The following GATA5 variants were observed in gnomAD, a reference collection of about 807,000 sequenced individuals.
GATA5 encodes the protein transcription factor GATA-5.
A neutral mutation model predicts 35.0 loss-of-function variants in GATA5; 27 were observed. The observed-to-expected ratio is 0.77, with a 90% CI of 0.57 to 1.06. GATA5 has a LOEUF of 1.06. GATA5 is among the 50% of genes least tolerant of loss of function. The probability of loss-of-function intolerance (pLI) is 0.00; values close to 1 mark genes in which losing one functional copy is unlikely to be tolerated. For missense variants in GATA5, 612 were observed against 580.0 expected (o/e 1.06, Z -0.57); for synonymous variants, 306 against 267.8 (o/e 1.14, Z -1.39).
At chr20:62,473,780 C>T (rs1989782480) in intron 2 of GATA5, among the ~76,000 whole-genome samples, 1 of 152,244 alleles carries the variant, frequency 6.6e-6, no homozygotes, top group Non-Finnish European at 1.5e-5. Flanking sequence ...TTTTAATTCA[C>T]ATACGATAAA....
In GATA5 at chr20:62,473,392, C is replaced by A; in HGVS notation, c.699+11G>T. The A allele has an allele frequency of 6.3e-7, 1 of 1,597,716 alleles. No homozygotes were observed. Among genetic ancestry groups the A allele is most frequent in the South Asian group, 1.1e-5 (1 of 88,636 alleles). ...TGCGCCCAGGCGCCCCTCTGCCCAG[C>A]CCGAACTCACCAGGCGCTTCTGAGG... On this transcript the variant is annotated intron_variant, in intron 3 of 6. Coordinates refer to ENST00000252997, the MANE Select transcript of GATA5 (RefSeq NM_080473.5).
chr20:62,475,397 A>T lies in GATA5; in HGVS notation c.125T>A (p.Met42Lys), dbSNP rs1555897054. The T allele has an allele frequency of 7.4e-7, 1 of 1,356,212 alleles. No homozygotes were observed. Among genetic ancestry groups the T allele is most frequent in the African/African-American group, 1.5e-5 (1 of 65,908 alleles). 84.0% of individuals were successfully genotyped at this position (1,356,212 alleles called of 1,614,324 possible). A position where few individuals can be genotyped will look rare whatever the true frequency, so the allele number is the denominator to read the frequency against. Residue 42 changes from methionine (M) to lysine (K), a missense_variant, in exon 2 of 7, where the codon ATG becomes AAG. Transcript: ENST00000252997. ...CTCACACCCGGACAGGTAGGACAGC[A>T]TCGAGGGGACGCGCGCCGGCGGCAC... ...MFVPPARVPS[M>K]LSYLSGCEPS...
At chr20:62,471,143 G>T (rs1170787223) in intron 3 of GATA5, among the ~76,000 whole-genome samples, 1 of 152,160 alleles carries the variant, frequency 6.6e-6, no homozygotes, top group Non-Finnish European at 1.5e-5. Context: ...CTGGACACAG[G>T]TATTGCCCGG....
At chr20:62,472,630 A>G (rs1429391647) in intron 3 of GATA5, among the ~76,000 whole-genome samples, 1 of 152,090 alleles carries the variant, frequency 6.6e-6, no homozygotes, top group Non-Finnish European at 1.5e-5. Flanking sequence ...CGACATCAAC[A>G]CCCCAAATCC....
Position 62,470,001 on chromosome 20 carries a change from C to A in GATA5, c.699+3402G>T, listed in dbSNP as rs1601517237. ...CCTCACTGCCCAACAAGCAGCCCAG[C>A]CTGGCCACACTCAGCACCCTGCCCC... On this transcript the variant is annotated intron_variant, in intron 3 of 6. Coordinates refer to ENST00000252997, the MANE Select transcript of GATA5 (RefSeq NM_080473.5). This position sits in a 1 kb window ranked among gnomAD's most constrained non-coding sequence, Gnocchi z 4.6. Among the ~76,000 whole-genome samples, 1 of 152,206 alleles carries A rather than the reference C, an allele frequency of 6.6e-6. No homozygotes were observed. The highest frequency in any genetic ancestry group is 1.5e-5 in the Non-Finnish European group (1 of 68,034).
Position 62,466,760 on chromosome 20 carries a change from C to T in GATA5, c.700-209G>A, listed in dbSNP as rs4073470. On this transcript the variant is annotated intron_variant, in intron 3 of 6. Transcript: ENST00000252997. ...TTTACCTTCCTGGGCCTCAGTTTCC[C>T]CCCAAGTAAAAAGGGGGTGATAACA... Among the ~76,000 whole-genome samples, 35,378 of 152,186 alleles carry T rather than the reference C, an allele frequency of 0.23. 4,260 individuals are homozygous for T. The highest frequency in any genetic ancestry group is 0.33 in the East Asian group (1,684 of 5,166).
intron 4 of GATA5, 140 bp downstream of exon 4, chr20:62,466,286 G>T: frequency 9.9e-7 from 1 of 1,010,510 alleles, no homozygotes; most frequent in Non-Finnish European, 1.4e-6. Context: ...TCGGCCGGCC[G>T]GGACATGTGT....
intron 3 of GATA5, among the ~76,000 whole-genome samples, chr20:62,469,830 C>A (rs1018075856): frequency 6.6e-6 from 1 of 152,228 alleles, no homozygotes; most frequent in Non-Finnish European, 1.5e-5. Flanking sequence ...CTCAGAGGAG[C>A]TGCGGGACCA....
At chr20:62,475,826 T>TG in intron 1 of GATA5, 104 bp downstream of exon 1, 1 of 223,096 alleles carries the variant, frequency 4.5e-6, no homozygotes, top group Non-Finnish European at 8.8e-6. Flanking sequence ...AGGACGGGCC[T>TG]GGCGCGGCCG....
In GATA5 at chr20:62,463,989, C is replaced by T. The variant is rs1421163010; in HGVS notation, c.*847G>A. The T allele has an allele frequency of 6.6e-6, 1 of 152,278 alleles. No homozygotes were observed. Among genetic ancestry groups the T allele is most frequent in the Non-Finnish European group, 1.5e-5 (1 of 68,080 alleles). 9.4% of individuals were successfully genotyped at this position (152,278 alleles called of 1,614,324 possible). On this transcript the variant is annotated 3_prime_UTR_variant, in exon 7 of 7. Transcript: ENST00000252997. ...AGAAAGAGGGGTCACTAACAATTCTCCTGGGACAAGAGACTAAACTGCGTG... is the reference window on the plus strand; with the variant it reads ...AGAAAGAGGGGTCACTAACAATTCTTCTGGGACAAGAGACTAAACTGCGTG...
In GATA5 at chr20:62,475,095, G is replaced by A. The variant is rs1432686324; in HGVS notation, c.427C>T (p.Pro143Ser). The A allele has an allele frequency of 7.1e-7, 1 of 1,401,774 alleles. No individual in the cohort carries two copies. Among genetic ancestry groups the A allele is most frequent in the Non-Finnish European group, 9.3e-7 (1 of 1,074,502 alleles). 86.8% of individuals were successfully genotyped at this position (1,401,774 alleles called of 1,614,324 possible). A position where few individuals can be genotyped will look rare whatever the true frequency, so the allele number is the denominator to read the frequency against. Residue 143 changes from proline to serine, a missense_variant, in exon 2 of 7, where the codon CCG (proline) becomes TCG (serine). Transcript: ENST00000252997. ...GCCACGTCGGGGCTCACGTAGGCCG[G>A]GTAGGTGGCGGAGTACGAGGTCCCC... ...PVGTSYSATY[P>S]AYVSPDVAQS...
Position 62,466,251 on chromosome 20 carries a change from C to T in GATA5, c.825+175G>A, listed in dbSNP as rs547644565. ...TGCCGTGAGTGTAACAGGAATAGCC[C>T]GGGCCCCCGGGGGTGGTGCCGCAGT... On this transcript the variant is annotated intron_variant, in intron 4 of 6. Coordinates refer to ENST00000252997, the MANE Select transcript of GATA5 (RefSeq NM_080473.5). Among the ~76,000 whole-genome samples the T allele has an allele frequency of 3.7e-4, 57 of 152,358 alleles. 1 individual carries two copies. In the South Asian group the frequency reaches 0.01, roughly 28 times the overall value.
At chr20:62,473,723 G>T in intron 2 of GATA5, 145 bp from the exon 3 acceptor site, 1 of 671,248 alleles carries the variant, frequency 1.5e-6, no homozygotes, top group Non-Finnish European at 2.5e-6. Flanking sequence ...TGCCTTAGAT[G>T]TATTTTATTT....
intron 3 of GATA5, among the ~76,000 whole-genome samples, chr20:62,468,654 G>A (rs573677883): frequency 6.6e-5 from 10 of 152,384 alleles, no homozygotes; most frequent in East Asian, 1.9e-4. Flanking sequence ...CAATGAGGCC[G>A]GGGAGGCTTG....
rs528136288 is a variant in GATA5 at position 62,468,357 on chromosome 20, G to A, written c.700-1806C>T. On this transcript the variant is annotated intron_variant, in intron 3 of 6. Coordinates refer to ENST00000252997, the MANE Select transcript of GATA5 (RefSeq NM_080473.5). ...TGCCCTCTATGATCAGATGAGGGCC[G>A]GCCTTGCTGACCATCTCCTGCCTAC... Among the ~76,000 whole-genome samples, 426 of 152,372 alleles carry A rather than the reference G, an allele frequency of 2.8e-3. 2 individuals carry two copies. Among genetic ancestry groups the A allele is most frequent in the Non-Finnish European group, 3.9e-3 (266 of 68,036 alleles).
At chr20:62,466,320 G>T in intron 4 of GATA5, 106 bp downstream of exon 4, 2 of 1,294,016 alleles carry the variant, frequency 1.5e-6, no homozygotes, top group Non-Finnish European at 2.1e-6. Context: ...GGGGACAATA[G>T]CCATCCTGCC....
At chr20:62,472,217 C>T (rs985758754) in intron 3 of GATA5, among the ~76,000 whole-genome samples, 1 of 152,008 alleles carries the variant, frequency 6.6e-6, no homozygotes, top group South Asian at 2.1e-4. Flanking sequence ...GGAGGCTGGG[C>T]CTGCAGAGCC....
intron 3 of GATA5, among the ~76,000 whole-genome samples, chr20:62,471,651 G>A (rs1160041052): frequency 4.0e-5 from 6 of 151,090 alleles, no homozygotes; most frequent in African/African-American, 1.2e-4. Context: ...AGCTGGTTTC[G>A]AACTCCTGGG....
At chr20:62,467,197 G>A (rs2146482192) in intron 3 of GATA5, among the ~76,000 whole-genome samples, 1 of 152,342 alleles carries the variant, frequency 6.6e-6, no homozygotes, top group Non-Finnish European at 1.5e-5. Flanking sequence ...TCCAATCAGA[G>A]GTCCCAAACC....
Sources: allele counts gnomAD v4.1 joint callset (sites outside exome capture counted in the v4.1 genomes callset), GRCh38; gene constraint gnomAD v4.1.1; non-coding constraint Gnocchi (gnomAD v3.1); transcripts MANE v1.5; gene names NCBI Gene and HGNC (gene_info 2026-07-23, HGNC 2026-07-21).